YES1: variants seen among roughly 807,000 people sequenced by gnomAD.
YES1 encodes tyrosine-protein kinase Yes.
Under a neutral mutation model 70.4 loss-of-function variants are expected in YES1, and 39 were observed. The observed-to-expected ratio is 0.55, with a 90% CI of 0.43 to 0.72. The LOEUF (loss-of-function observed/expected upper bound fraction) is 0.72, where lower values mean the gene tolerates loss of function less well. YES1 is among the 30% of genes least tolerant of loss of function. The probability of loss-of-function intolerance (pLI) is 0.00; values close to 1 mark genes in which losing one functional copy is unlikely to be tolerated. For missense variants in YES1, 495 were observed against 644.8 expected, an observed-to-expected ratio of 0.77 and a Z score of 2.52; for synonymous variants, 198 against 218.6, an observed-to-expected ratio of 0.91 and a Z score of 0.83.
chr18:810,086 G>C (rs558923816), intron 1 of YES1, among the ~76,000 whole-genome samples: 1 of 151,024 alleles, frequency 6.6e-6, no homozygotes, highest in Non-Finnish European at 1.5e-5. Flanking sequence ...TTTGGCATTA[G>C]TCTTCTTTCT....
chr18:739,884 C>A (rs1387445796), intron 8 of YES1, 73 bp from the exon 9 acceptor site: 5 of 1,123,604 alleles, frequency 4.4e-6, no homozygotes, highest in Non-Finnish European at 6.3e-6. Flanking sequence ...TACTCCTCCA[C>A]CCCAAATCAC....
chr18:749,310 A>G (rs1338707637), intron 3 of YES1, among the ~76,000 whole-genome samples: 1 of 151,624 alleles, frequency 6.6e-6, no homozygotes, highest in Non-Finnish European at 1.5e-5. Flanking sequence ...CCTGGCCAAC[A>G]TGGTGAATGA....
chr18:740,142 C>G (rs2080200750), intron 8 of YES1, among the ~76,000 whole-genome samples: 1 of 152,126 alleles, frequency 6.6e-6, no homozygotes, highest in Non-Finnish European at 1.5e-5. Flanking sequence ...AAATCTGAAT[C>G]AAGAATTCAG....
chr18:748,477 A>G (rs1291036667), intron 3 of YES1, among the ~76,000 whole-genome samples: 1 of 151,780 alleles, frequency 6.6e-6, no homozygotes, highest in East Asian at 1.9e-4. Context: ...CATTATCACA[A>G]TCAATTTTAG....
intron 1 of YES1, among the ~76,000 whole-genome samples, chr18:774,331 A>G (rs1905279416): frequency 6.6e-6 from 1 of 152,156 alleles, no homozygotes; most frequent in African/African-American, 2.4e-5. Context: ...CTGCAAATTG[A>G]TGATTACCAG....
intron 10 of YES1, among the ~76,000 whole-genome samples, chr18:734,588 A>T (rs1352345022): frequency 6.6e-6 from 1 of 151,966 alleles, no homozygotes; most frequent in Non-Finnish European, 1.5e-5. Context: ...AACCAGGAGC[A>T]ACTACAACAT....
At chr18:796,254 C>T (rs562960359) in intron 1 of YES1, among the ~76,000 whole-genome samples, 1 of 152,038 alleles carries the variant, frequency 6.6e-6, no homozygotes, top group South Asian at 2.1e-4. Flanking sequence ...ACAGTCCTAG[C>T]GTGTAATTTG....
intron 1 of YES1, among the ~76,000 whole-genome samples, chr18:764,082 T>C (rs1368040602): frequency 3.4e-5 from 5 of 148,198 alleles, no homozygotes; most frequent in Admixed American, 6.8e-5. Context: ...ATCACACCAC[T>C]GCACTCCAGC....
chr18:807,043 G>A (rs1907134736), intron 1 of YES1, among the ~76,000 whole-genome samples: 1 of 152,228 alleles, frequency 6.6e-6, no homozygotes, highest in Admixed American at 6.5e-5. Flanking sequence ...GCCCAGGCAG[G>A]TGGACTGCTG....
chr18:779,927 A>C (rs1022578784), intron 1 of YES1, among the ~76,000 whole-genome samples: 6 of 145,114 alleles, frequency 4.1e-5, no homozygotes, highest in African/African-American at 1.5e-4. Flanking sequence ...TTTTTTTCTT[A>C]AATCTCTTTA....
intron 1 of YES1, among the ~76,000 whole-genome samples, chr18:797,683 A>T (rs1382703802): frequency 6.6e-6 from 1 of 152,226 alleles, no homozygotes; most frequent in Non-Finnish European, 1.5e-5. Flanking sequence ...AATGATAAAC[A>T]TCTTTTTAAC....
intron 9 of YES1, chr18:737,538 A>C (rs2080167791): frequency 6.6e-6 from 1 of 152,250 alleles, no homozygotes; most frequent in South Asian, 2.1e-4. Context: ...AGAAGAGGTA[A>C]ATCACAAGGT....
chr18:756,751 C>T lies in YES1; in HGVS notation c.77G>A (p.Ser26Asn), dbSNP rs745992838. The change falls in exon 2 of 12, where the codon AGT (serine) becomes AAT (asparagine). Residue 26 changes from serine (S) to asparagine (N), a missense_variant. Coordinates refer to ENST00000314574, the MANE Select transcript of YES1 (RefSeq NM_005433.4). ...YRPENTPEPV[S>N]TSVSHYGAEP... is the part of the protein sequence containing the mutation. ...TGCTCCATAATGGCTCACACTTGTA[C>T]TGACAGGCTCTGGAGTATTTTCAGG... 5.6e-6 allele frequency: 9 copies of T among 1,614,076 alleles called. No individual in the cohort carries two copies. Among genetic ancestry groups the T allele is most frequent in the Admixed American group, 1.7e-5 (1 of 60,006 alleles).
At chr18:784,926 A>C (rs186968064) in intron 1 of YES1, among the ~76,000 whole-genome samples, 1 of 152,322 alleles carries the variant, frequency 6.6e-6, no homozygotes, top group African/African-American at 2.4e-5. Context: ...CAGAACATGG[A>C]CATCTCTGGG....
At chr18:737,111 G>A in intron 9 of YES1, 150 bp from the exon 10 acceptor site, 5 of 634,776 alleles carry the variant, frequency 7.9e-6, no homozygotes, top group Admixed American at 3.5e-5. Context: ...GAAGATAACA[G>A]GAAAACCAGA....
At chr18:739,580 C>A in intron 9 of YES1, 155 bp downstream of exon 9, 4 of 576,356 alleles carry the variant, frequency 6.9e-6, no homozygotes, top group Non-Finnish European at 1.1e-5. Flanking sequence ...CTGCATTCCA[C>A]CCTGGGTGAC....
At chr18:753,756 A>G (rs538065696) in intron 2 of YES1, among the ~76,000 whole-genome samples, 1 of 152,230 alleles carries the variant, frequency 6.6e-6, no homozygotes, top group South Asian at 2.1e-4. Flanking sequence ...AAAGTGCTAG[A>G]ATTAAAGGTG....
At chr18:804,925 A>AAAAAAAAAAAAAAAC (rs1555692642) in intron 1 of YES1, among the ~76,000 whole-genome samples, 1 of 150,810 alleles carries the variant, frequency 6.6e-6, no homozygotes, top group African/African-American at 2.4e-5. Context: ...AAAAAAAAAA[A>AAAAAAAAAAAAAAAC]CACAAACCAA....
At chr18:803,222 G>A (rs890454670) in intron 1 of YES1, among the ~76,000 whole-genome samples, 1 of 152,192 alleles carries the variant, frequency 6.6e-6, no homozygotes, top group Non-Finnish European at 1.5e-5. Context: ...GTGTCAGAGT[G>A]AGACTCCGTC....
Sources: allele counts gnomAD v4.1 joint callset (sites outside exome capture counted in the v4.1 genomes callset), GRCh38; gene constraint gnomAD v4.1.1; transcripts MANE v1.5; gene names NCBI Gene and HGNC (gene_info 2026-07-23, HGNC 2026-07-21).